XKR6: variants seen among roughly 807,000 people sequenced by gnomAD.
XKR6 encodes XK related 6.
XKR6 carries 22 observed loss-of-function variants against 56.7 expected under a neutral mutation model. The ratio of observed to expected loss-of-function variants is 0.39; its 90% CI spans 0.28 to 0.55. The LOEUF (loss-of-function observed/expected upper bound fraction) is 0.55, where lower values mean the gene tolerates loss of function less well. Ranked by LOEUF, XKR6 falls within the 20% of genes least tolerant of loss-of-function variation. XKR6 has a pLI of 0.66. For missense variants in XKR6, 852 were observed against 889.0 expected (o/e 0.96, Z 0.53); for synonymous variants, 524 against 387.8 (o/e 1.35, Z -4.13).
intron 1 of XKR6, among the ~76,000 whole-genome samples, chr8:11,133,185 G>A (rs928345661): frequency 6.6e-6 from 1 of 150,918 alleles, no homozygotes; most frequent in African/African-American, 2.5e-5. Context: ...AAAGCTTATC[G>A]CTTTCAGTCA....
At chr8:10,993,751 C>T (rs539147557) in intron 1 of XKR6, among the ~76,000 whole-genome samples, 1 of 152,316 alleles carries the variant, frequency 6.6e-6, no homozygotes, top group Non-Finnish European at 1.5e-5. Flanking sequence ...GCCACTCCTG[C>T]TCCTCCTCTG....
chr8:10,916,955 T>G (rs950788961), intron 2 of XKR6, among the ~76,000 whole-genome samples: 1 of 152,202 alleles, frequency 6.6e-6, no homozygotes, highest in African/African-American at 2.4e-5. Flanking sequence ...AAGTTAGCAC[T>G]GAAGAGACAC....
At chr8:11,070,504 A>C (rs1272035915) in intron 1 of XKR6, among the ~76,000 whole-genome samples, 1 of 152,184 alleles carries the variant, frequency 6.6e-6, no homozygotes, top group Non-Finnish European at 1.5e-5. Flanking sequence ...GCAAAGCAAA[A>C]TAAAGAAACA....
chr8:11,032,586 G>T (rs912842549), intron 1 of XKR6, among the ~76,000 whole-genome samples: 1 of 152,200 alleles, frequency 6.6e-6, no homozygotes, highest in South Asian at 2.1e-4. Flanking sequence ...AGGCAGGGCT[G>T]TAATAGAGAT....
intron 1 of XKR6, among the ~76,000 whole-genome samples, chr8:11,115,189 A>C (rs1358871209): frequency 1.3e-5 from 2 of 152,100 alleles, no homozygotes; most frequent in Admixed American, 6.5e-5. Flanking sequence ...GCTGTCAATG[A>C]CCTCAACTCA....
At chr8:10,967,699 G>T (rs139935440) in intron 1 of XKR6, among the ~76,000 whole-genome samples, 3,794 of 152,312 alleles carry the variant, frequency 0.025, 78 homozygotes, top group Middle Eastern at 0.044. Flanking sequence ...CAACTTGCCG[G>T]TGCCAGCCTC....
At chr8:10,985,485 T>C (rs1797841208) in intron 1 of XKR6, among the ~76,000 whole-genome samples, 1 of 151,934 alleles carries the variant, frequency 6.6e-6, no homozygotes, top group South Asian at 2.1e-4. Flanking sequence ...TGTCTAATTC[T>C]AAAGCTTGTT....
intron 1 of XKR6, among the ~76,000 whole-genome samples, chr8:11,117,571 T>A (rs28417109): frequency 0.51 from 76,851 of 152,038 alleles, 22,124 homozygotes; most frequent in African/African-American, 0.77. Context: ...TCACATTTAA[T>A]CTGAAAATGT....
At chr8:11,103,061 A>G (rs897949619) in intron 1 of XKR6, among the ~76,000 whole-genome samples, 5 of 152,230 alleles carry the variant, frequency 3.3e-5, no homozygotes, top group African/African-American at 1.2e-4. Flanking sequence ...GATATATTAT[A>G]CATAACACTA....
chr8:11,103,198 G>T (rs1230415736), intron 1 of XKR6, among the ~76,000 whole-genome samples: 2 of 152,120 alleles, frequency 1.3e-5, no homozygotes, highest in African/African-American at 4.8e-5. Context: ...AAAATCCAGG[G>T]AGAAGACAGA....
intron 2 of XKR6, among the ~76,000 whole-genome samples, chr8:10,918,717 G>C (rs1259111348): frequency 2.0e-5 from 3 of 152,188 alleles, no homozygotes; most frequent in Non-Finnish European, 4.4e-5. Flanking sequence ...AAGGAGGACA[G>C]AGCCATCACT....
At chr8:10,963,283 G>C (rs1009246035) in intron 1 of XKR6, among the ~76,000 whole-genome samples, 1 of 152,248 alleles carries the variant, frequency 6.6e-6, no homozygotes, top group African/African-American at 2.4e-5. Flanking sequence ...AATCCCCTCT[G>C]TTCAAACGTC....
At chr8:10,997,376 A>T (rs560042002) in intron 1 of XKR6, among the ~76,000 whole-genome samples, 2 of 152,336 alleles carry the variant, frequency 1.3e-5, no homozygotes, top group African/African-American at 4.8e-5. Context: ...GAGATGGGGT[A>T]CAAATGCTGT....
chr8:10,911,803 T>C lies in XKR6; in HGVS notation c.961+12831A>G, dbSNP rs563915444. On this transcript the variant is annotated intron_variant, in intron 2 of 2. Transcript: ENST00000416569. ...GGTGTGTATATATAGAGACAATGTA[T>C]GTATATATACAGAGGGTGAGTATGT... Among the ~76,000 whole-genome samples the C allele has an allele frequency of 2.2e-3, 334 of 150,944 alleles. 1 individual carries two copies. The highest frequency in any genetic ancestry group is 6.9e-3 in the Middle Eastern group (2 of 290).
intron 1 of XKR6, among the ~76,000 whole-genome samples, chr8:11,144,027 A>C (rs1800847424): frequency 6.6e-6 from 1 of 151,940 alleles, no homozygotes; most frequent in South Asian, 2.1e-4. Context: ...TCTTTTAAGA[A>C]GTTGCCAGCC....
chr8:10,947,902 T>G (rs1801599107), intron 1 of XKR6, among the ~76,000 whole-genome samples: 1 of 152,136 alleles, frequency 6.6e-6, no homozygotes, highest in African/African-American at 2.4e-5. Context: ...TCCTGGGCGA[T>G]CTTTTCAGCT....
At chr8:11,178,844 CT>C (rs1030669805) in intron 1 of XKR6, among the ~76,000 whole-genome samples, 2 of 149,826 alleles carry the variant, frequency 1.3e-5, no homozygotes, top group African/African-American at 4.9e-5. Flanking sequence ...TCCCTTTTTT[CT>C]TTTTTTTAGA....
chr8:11,019,883 G>C (rs1331870161), intron 1 of XKR6, among the ~76,000 whole-genome samples: 2 of 152,238 alleles, frequency 1.3e-5, no homozygotes, highest in Admixed American at 6.5e-5. Context: ...TCCGATCAGA[G>C]GTTGTGGTGC....
intron 1 of XKR6, among the ~76,000 whole-genome samples, chr8:11,116,164 G>A (rs1384248948): frequency 6.6e-6 from 1 of 152,190 alleles, no homozygotes. Flanking sequence ...GGTCTTATGT[G>A]CAAGCAGTGA....
Sources: allele counts gnomAD v4.1 joint callset (sites outside exome capture counted in the v4.1 genomes callset), GRCh38; gene constraint gnomAD v4.1.1; transcripts MANE v1.5; gene names NCBI Gene and HGNC (gene_info 2026-07-23, HGNC 2026-07-21).